CHUK: variants seen among roughly 807,000 people sequenced by gnomAD.
The protein encoded by CHUK is component of inhibitor of nuclear factor kappa B kinase complex, also known as inhibitor of nuclear factor kappa-B kinase subunit alpha.
CHUK carries 35 observed loss-of-function variants against 104.8 expected under a neutral mutation model. The ratio of observed to expected loss-of-function variants is 0.33; its 90% CI spans 0.26 to 0.44. The LOEUF (loss-of-function observed/expected upper bound fraction) is 0.44. CHUK is among the 20% of genes least tolerant of loss of function. The pLI, the probability that CHUK is intolerant of heterozygous loss-of-function variation, is 1.00. For synonymous variants in CHUK, 276 were observed against 291.9 expected, an observed-to-expected ratio of 0.95 and a Z score of 0.56; for missense variants, 663 against 902.7, an observed-to-expected ratio of 0.73 and a Z score of 3.40.
rs770583210 is a variant in CHUK at position 100,202,081 on chromosome 10, A to G, written c.1569+7T>C. 5.6e-6 allele frequency: 9 copies of G among 1,599,944 alleles called. No homozygotes were observed. On this transcript the variant is annotated splice_region_variant and intron_variant, in intron 14 of 20. Coordinates refer to ENST00000370397, the MANE Select transcript of CHUK (RefSeq NM_001278.5). Reference sequence around the variant, plus strand: ...ATAAGTATACAGAATGACGTCAATGATTTTACCTCAGCATAGTGGATGGCC... The same window carrying G: ...ATAAGTATACAGAATGACGTCAATGGTTTTACCTCAGCATAGTGGATGGCC...
At position 100,219,072 on chromosome 10, in the gene CHUK, T is replaced by A; in HGVS notation, c.625A>T (p.Thr209Ser). The A allele has an allele frequency of 6.2e-7, 1 of 1,612,938 alleles. No individual in the cohort carries two copies. Among genetic ancestry groups the A allele is most frequent in the South Asian group, 1.1e-5 (1 of 91,054 alleles). Residue 209 changes from threonine (T) to serine (S), a missense_variant, in exon 7 of 21, where the codon ACC becomes TCC. Physicochemically the swap from Thr to Ser is moderately conservative, Grantham distance 58. This residue lies in a region of CHUK where 200 missense variants were observed against 333.0 expected (regional missense o/e 0.60). Transcript: ENST00000370397. ...CCAGCAATACATTCAAATACCATGG[T>A]CCCAAAGCTCCAATAATCAACAGTG... is the stretch of plus-strand genomic sequence containing the variant. ...TATVDYWSFG[T>S]MVFECIAGYR...
intron 13 of CHUK, among the ~76,000 whole-genome samples, chr10:100,202,948 C>T (rs1330104546): frequency 2.6e-5 from 4 of 151,950 alleles, no homozygotes; most frequent in Non-Finnish European, 4.4e-5. Context: ...GTAGAGATGG[C>T]GTTCTACCCC....
At chr10:100,208,609 C>G (rs1359547735) in intron 10 of CHUK, among the ~76,000 whole-genome samples, 1 of 152,094 alleles carries the variant, frequency 6.6e-6, no homozygotes, top group Non-Finnish European at 1.5e-5. Context: ...AGTGGCAAAA[C>G]CCCGTCTCTA....
chr10:100,197,273 C>T (rs1845354705), intron 16 of CHUK, among the ~76,000 whole-genome samples: 1 of 152,156 alleles, frequency 6.6e-6, no homozygotes, highest in African/African-American at 2.4e-5. Flanking sequence ...CCATAGTATA[C>T]ACAATTTGTT....
intron 9 of CHUK, among the ~76,000 whole-genome samples, chr10:100,215,228 A>G (rs2134238728): frequency 6.6e-6 from 1 of 151,850 alleles, no homozygotes; most frequent in South Asian, 2.1e-4. Context: ...AAAAAAAAAA[A>G]AAAAAAAAGA....
At chr10:100,197,745 ACCT>A (rs1845369866) in intron 16 of CHUK, among the ~76,000 whole-genome samples, 1 of 152,048 alleles carries the variant, frequency 6.6e-6, no homozygotes, top group African/African-American at 2.4e-5. Context: ...TACGAGAGCC[ACCT>A]CCTTTCACTG....
chr10:100,214,342 T>A (rs1423400678), intron 9 of CHUK, among the ~76,000 whole-genome samples: 1 of 152,162 alleles, frequency 6.6e-6, no homozygotes, highest in Non-Finnish European at 1.5e-5. Flanking sequence ...ATCCTTGCCT[T>A]CCATACAGTT....
intron 19 of CHUK, 74 bp from the exon 20 acceptor site, chr10:100,191,042 C>G (rs879269723): frequency 2.1e-5 from 19 of 914,958 alleles, no homozygotes; most frequent in African/African-American, 6.5e-5. Flanking sequence ...TTCTAGTCTT[C>G]TAGGTTAGCA....
chr10:100,193,056 C>A (rs1012291495), intron 19 of CHUK: 1 of 519,846 alleles, frequency 1.9e-6, no homozygotes, highest in South Asian at 2.2e-5. Context: ...ATTTATTTCC[C>A]AAGCACTTTA....
chr10:100,194,633 A>T (rs1220032478), intron 16 of CHUK, 112 bp from the exon 17 acceptor site: 5 of 665,148 alleles, frequency 7.5e-6, no homozygotes, highest in Admixed American at 4.8e-5. Flanking sequence ...TAATTAATAA[A>T]CATCTCCATT....
intron 1 of CHUK, among the ~76,000 whole-genome samples, chr10:100,226,389 A>G (rs1291230783): frequency 2.6e-5 from 4 of 152,214 alleles, no homozygotes; most frequent in Admixed American, 1.3e-4. Flanking sequence ...GCATAACTAA[A>G]ATGAAGAAGG....
At chr10:100,199,040 A>G (rs12764727) in intron 16 of CHUK, among the ~76,000 whole-genome samples, 11,413 of 152,244 alleles carry the variant, frequency 0.075, 579 homozygotes, top group African/African-American at 0.14. Context: ...TTTGCAGAAG[A>G]AGGAAATGGG....
chr10:100,189,533 A>G lies in CHUK; in HGVS notation c.*65T>C. ...TCTGAAGAATGGTTTCATGGGGGAA[A>G]AACACATTTCCAACATGTATAGCAA... On this transcript the variant is annotated 3_prime_UTR_variant, in exon 21 of 21. Coordinates refer to ENST00000370397, the MANE Select transcript of CHUK (RefSeq NM_001278.5). 7.5e-7 allele frequency: 1 copy of G among 1,334,538 alleles called. No individual in the cohort carries two copies. Among genetic ancestry groups the G allele is most frequent in the Non-Finnish European group, 1.1e-6 (1 of 924,772 alleles). The allele number at this position is 1,334,538 out of a possible 1,614,324, so 82.7% of individuals were successfully genotyped here. A position where few individuals can be genotyped will look rare whatever the true frequency, so the allele number is the denominator to read the frequency against.
intron 7 of CHUK, 62 bp downstream of exon 7, chr10:100,218,946 A>G: frequency 6.3e-7 from 1 of 1,595,570 alleles, no homozygotes; most frequent in Admixed American, 1.7e-5. Flanking sequence ...AAAGAAAAAA[A>G]AAGACAAATG....
intron 16 of CHUK, among the ~76,000 whole-genome samples, chr10:100,196,422 G>GTCAACCCA (rs1730337677): frequency 8.1e-6 from 1 of 123,266 alleles, no homozygotes; most frequent in Admixed American, 9.3e-5. Flanking sequence ...GTCTTGCTCT[G>GTCAACCCA]TCAACCCAGG....
chr10:100,224,685 C>G (rs1197275657), intron 2 of CHUK, among the ~76,000 whole-genome samples: 1 of 151,982 alleles, frequency 6.6e-6, no homozygotes, highest in Non-Finnish European at 1.5e-5. Context: ...AATCCATCCG[C>G]CTTGGCCTCC....
intron 11 of CHUK, 24 bp from the exon 12 acceptor site, chr10:100,205,223 A>C: frequency 6.2e-7 from 1 of 1,611,070 alleles, no homozygotes; most frequent in Non-Finnish European, 8.5e-7. Flanking sequence ...GATGAGAAAA[A>C]GGGCAAGGGA....
At chr10:100,193,155 T>A in intron 19 of CHUK, 143 bp downstream of exon 19, 1 of 889,446 alleles carries the variant, frequency 1.1e-6, no homozygotes, top group Non-Finnish European at 1.8e-6. Flanking sequence ...AAAAGTCAAG[T>A]AAGTTGCCTA....
chr10:100,203,384 T>G (rs1845514807), intron 13 of CHUK, among the ~76,000 whole-genome samples: 1 of 151,542 alleles, frequency 6.6e-6, no homozygotes. Flanking sequence ...TTATAATGTT[T>G]TATCACTCAC....
Sources: allele counts gnomAD v4.1 joint callset (sites outside exome capture counted in the v4.1 genomes callset), GRCh38; gene constraint gnomAD v4.1.1; regional missense constraint gnomAD v4.1.1; transcripts MANE v1.5; gene names NCBI Gene and HGNC (gene_info 2026-07-23, HGNC 2026-07-21).